PDE1C: variants seen among roughly 807,000 people sequenced by gnomAD.
The protein encoded by PDE1C is phosphodiesterase 1C.
PDE1C carries 62 observed loss-of-function variants against 93.1 expected under a neutral mutation model. The ratio of observed to expected loss-of-function variants is 0.67; its 90% CI spans 0.54 to 0.82. The LOEUF is 0.82. PDE1C is among the 40% of genes least tolerant of loss of function. The pLI, the probability that PDE1C is intolerant of heterozygous loss-of-function variation, is 0.00. For missense variants in PDE1C, 742 were observed against 884.6 expected, an observed-to-expected ratio of 0.84 and a Z score of 2.04; for synonymous variants, 325 against 310.1, an observed-to-expected ratio of 1.05 and a Z score of -0.50.
At chr7:32,363,387 C>G (rs1408681911) in intron 1 of PDE1C, among the ~76,000 whole-genome samples, 3 of 152,238 alleles carry the variant, frequency 2.0e-5, no homozygotes, top group Non-Finnish European at 2.9e-5. Flanking sequence ...GGATTCCAAG[C>G]CAGTGCATCT....
At chr7:31,642,639 C>A in the PDE1C span, 1 of 1,562,428 alleles carries the variant, frequency 6.4e-7, no homozygotes, top group South Asian at 1.2e-5. Context: ...ATTGCCTCCT[C>A]CACTTCCTGA....
intron 1 of PDE1C, among the ~76,000 whole-genome samples, chr7:32,404,497 G>A (rs1235801540): frequency 6.6e-6 from 1 of 151,626 alleles, no homozygotes; most frequent in East Asian, 1.9e-4. Flanking sequence ...GGGACCACAG[G>A]TGCATGCCAC....
chr7:32,329,569 G>C (rs73687129), intron 1 of PDE1C, among the ~76,000 whole-genome samples: 219 of 152,226 alleles, frequency 1.4e-3, no homozygotes, highest in African/African-American at 4.8e-3. Context: ...CATTTGTCCA[G>C]TTTTCTAGTT....
In PDE1C at chr7:31,952,971, G is replaced by A. The variant is rs80197214; in HGVS notation, c.129-72111C>T. ...CATGCATCCATCTAGAAACATGGATGAGCCTGTAAGTACCTTGATTTGGGA... is the reference window on the plus strand; with the variant it reads ...CATGCATCCATCTAGAAACATGGATAAGCCTGTAAGTACCTTGATTTGGGA... On this transcript the variant is annotated intron_variant, in intron 2 of 17. Coordinates refer to ENST00000396191, the MANE Select transcript of PDE1C (RefSeq NM_001191057.4). Among the ~76,000 whole-genome samples, 156 of 152,042 alleles carry A rather than the reference G, an allele frequency of 1.0e-3. No individual in the cohort carries two copies. The East Asian group carries it at 0.028, about 27-fold the overall frequency.
At chr7:31,720,454 TG>T in the PDE1C span, among the ~76,000 whole-genome samples, 3 of 151,988 alleles carry the variant, frequency 2.0e-5, no homozygotes, top group Non-Finnish European at 4.4e-5. Flanking sequence ...CTGTGTCGAG[TG>T]GGATGAGGGT....
intron 1 of PDE1C, among the ~76,000 whole-genome samples, chr7:32,339,893 A>T (rs953040554): frequency 1.3e-5 from 2 of 152,208 alleles, no homozygotes; most frequent in Non-Finnish European, 2.9e-5. Context: ...CTGTGGTCTT[A>T]CATTTGAAAT....
At chr7:31,927,904 C>T (rs1160282837) in intron 2 of PDE1C, among the ~76,000 whole-genome samples, 2 of 152,094 alleles carry the variant, frequency 1.3e-5, no homozygotes, top group African/African-American at 4.8e-5. Context: ...TGCAATTCCT[C>T]TCCAACAAGG....
At chr7:31,887,223 A>G (rs979389778) in intron 2 of PDE1C, among the ~76,000 whole-genome samples, 2 of 152,174 alleles carry the variant, frequency 1.3e-5, no homozygotes, top group African/African-American at 2.4e-5. Flanking sequence ...TGCTTTTAAG[A>G]ATTTCTGGGA....
chr7:32,308,787 C>T (rs962810597), intron 1 of PDE1C, among the ~76,000 whole-genome samples: 1 of 151,920 alleles, frequency 6.6e-6, no homozygotes. Context: ...GGTAAAACCA[C>T]AAAGATGGGG....
chr7:31,905,608 G>A (rs192799160), intron 2 of PDE1C, among the ~76,000 whole-genome samples: 1 of 152,152 alleles, frequency 6.6e-6, no homozygotes, highest in East Asian at 1.9e-4. Context: ...CCTTTATATT[G>A]CTATGAGCAT....
chr7:32,109,176 C>T (rs1798509220), intron 3 of PDE1C, among the ~76,000 whole-genome samples: 1 of 151,854 alleles, frequency 6.6e-6, no homozygotes, highest in African/African-American at 2.4e-5. Flanking sequence ...GACAAGGGAC[C>T]CCCTCATAGT....
intron 3 of PDE1C, among the ~76,000 whole-genome samples, chr7:32,130,053 A>C (rs970991216): frequency 2.2e-4 from 33 of 152,074 alleles, no homozygotes; most frequent in Admixed American, 1.7e-3. Context: ...AAGTCCAAAA[A>C]CCAAGCTAAC....
chr7:31,861,132 T>C (rs572282752), intron 7 of PDE1C, among the ~76,000 whole-genome samples: 2 of 152,286 alleles, frequency 1.3e-5, no homozygotes, highest in East Asian at 3.9e-4. Context: ...TCTGTCCTTA[T>C]CTTACTTGAC....
chr7:32,360,883 A>G (rs1784124879), intron 1 of PDE1C, among the ~76,000 whole-genome samples: 1 of 152,236 alleles, frequency 6.6e-6, no homozygotes. Flanking sequence ...TGACCTAATA[A>G]TAACAACAAC....
intron 2 of PDE1C, among the ~76,000 whole-genome samples, chr7:32,207,702 C>G (rs1225152424): frequency 6.6e-6 from 1 of 152,170 alleles, no homozygotes; most frequent in Non-Finnish European, 1.5e-5. Flanking sequence ...TCATCATGTC[C>G]TCACCTGTCT....
At chr7:31,667,631 A>G in the PDE1C span, among the ~76,000 whole-genome samples, 1 of 93,310 alleles carries the variant, frequency 1.1e-5, no homozygotes, top group Non-Finnish European at 2.0e-5. Context: ...ATAGACAAGT[A>G]AACAAATATG....
At chr7:31,707,370 A>G in the PDE1C span, 13 of 1,151,406 alleles carry the variant, frequency 1.1e-5, 1 homozygote, top group South Asian at 2.0e-4. Context: ...TTCTGCTCTC[A>G]TTTTTGTCAT....
chr7:32,086,110 G>A (rs1411106278), intron 3 of PDE1C, among the ~76,000 whole-genome samples: 1 of 150,646 alleles, frequency 6.6e-6, no homozygotes, highest in African/African-American at 2.5e-5. Flanking sequence ...AAACCCCACT[G>A]TTTCAGCCCA....
chr7:32,399,476 G>A (rs188298371), intron 1 of PDE1C, among the ~76,000 whole-genome samples: 33 of 152,122 alleles, frequency 2.2e-4, no homozygotes, highest in South Asian at 1.0e-3. Context: ...GCTTGCGGGC[G>A]GTGCCTCTCA....
Sources: gnomAD v4.1 joint callset for allele counts (sites outside exome capture counted in the v4.1 genomes callset) on GRCh38, gnomAD v4.1.1 for gene constraint, MANE v1.5 for transcripts, NCBI Gene and HGNC (gene_info 2026-07-23, HGNC 2026-07-21) for gene names.